Variants in SLC25A26 observed in about 807,000 individuals in gnomAD.
SLC25A26 encodes the protein solute carrier family 25 member 26.
SLC25A26 carries 36 observed loss-of-function variants against 37.8 expected under a neutral mutation model. That is an observed-to-expected ratio of 0.95 (90% confidence interval 0.73 to 1.26). The LOEUF is 1.26. SLC25A26 is among the 50% of genes most tolerant of loss of function. The pLI is 0.00. For missense variants in SLC25A26, 390 were observed against 331.1 expected, an observed-to-expected ratio of 1.18 and a Z score of -1.38; for synonymous variants, 129 against 122.5, an observed-to-expected ratio of 1.05 and a Z score of -0.35.
At chr3:66,324,178 G>GTA (rs1491469616) in intron 5 of SLC25A26, 2 of 2,894 alleles carry the variant, frequency 6.9e-4, no homozygotes, top group Non-Finnish European at 1.2e-3. Context: ...TTGTTAAAAA[G>GTA]TGTGTGTGTG....
intron 6 of SLC25A26, among the ~76,000 whole-genome samples, chr3:66,352,636 A>G (rs2107766452): frequency 6.6e-6 from 1 of 152,222 alleles, no homozygotes; most frequent in African/African-American, 2.4e-5. Flanking sequence ...TTTGAAATAT[A>G]TAAATAGTGT....
At chr3:66,335,994 A>G (rs1379405684) in intron 5 of SLC25A26, among the ~76,000 whole-genome samples, 2 of 152,116 alleles carry the variant, frequency 1.3e-5, no homozygotes, top group African/African-American at 4.8e-5. Context: ...TAACCACCCA[A>G]CAAGCTGCTT....
chr3:66,262,254 T>TTA, intron 4 of SLC25A26, 99 bp downstream of exon 4: 1 of 572,770 alleles, frequency 1.7e-6, no homozygotes, highest in South Asian at 3.4e-5. Context: ...AGAGAAAACT[T>TTA]TAGAGCTAAA....
At chr3:66,146,496 T>C (rs975166663) in intron 1 of SLC25A26, among the ~76,000 whole-genome samples, 2 of 152,182 alleles carry the variant, frequency 1.3e-5, no homozygotes, top group African/African-American at 4.8e-5. Flanking sequence ...TTCTGCTTTT[T>C]TTATATTTTC....
At chr3:66,239,815 T>C (rs1005975689) in intron 2 of SLC25A26, among the ~76,000 whole-genome samples, 31 of 132,280 alleles carry the variant, frequency 2.3e-4, no homozygotes, top group African/African-American at 8.1e-4. Flanking sequence ...TTCCTTTCTT[T>C]CTTTTTTTTT....
At chr3:66,303,792 A>C (rs1328452518) in intron 5 of SLC25A26, among the ~76,000 whole-genome samples, 1 of 152,208 alleles carries the variant, frequency 6.6e-6, no homozygotes, top group Admixed American at 6.5e-5. Flanking sequence ...ACTGTTTCAC[A>C]CAGTGACAGT....
Position 66,378,536 on chromosome 3 carries a change from A to AC in SLC25A26, c.*730dup. The AC allele has an allele frequency of 6.5e-6, 1 of 152,722 alleles. No individual in the cohort carries two copies. The highest frequency in any genetic ancestry group is 2.4e-5 in the African/African-American group (1 of 41,566). 9.5% of individuals were successfully genotyped at this position (152,722 alleles called of 1,614,324 possible). On this transcript the variant is annotated 3_prime_UTR_variant, in exon 10 of 10. Transcript: ENST00000354883. ...GCCATTCTCGCCATTCTCATGTCAGACTGAAAGGAGGGCCTGGGCCAGCTT... is the reference window on the plus strand; with the variant it reads ...GCCATTCTCGCCATTCTCATGTCAGACCTGAAAGGAGGGCCTGGGCCAGCTT...
At chr3:66,185,462 T>C (rs2070807502) in intron 1 of SLC25A26, among the ~76,000 whole-genome samples, 1 of 152,228 alleles carries the variant, frequency 6.6e-6, no homozygotes, top group African/African-American at 2.4e-5. Flanking sequence ...TCTGTATATA[T>C]ACCTAGAAGT....
chr3:66,286,972 T>G (rs1465372775), intron 5 of SLC25A26, among the ~76,000 whole-genome samples: 2 of 152,104 alleles, frequency 1.3e-5, no homozygotes, highest in Non-Finnish European at 2.9e-5. Flanking sequence ...CTGTTTGTTT[T>G]TTTTAATTGA....
chr3:66,348,245 G>A (rs2076372340), intron 6 of SLC25A26, among the ~76,000 whole-genome samples: 2 of 152,216 alleles, frequency 1.3e-5, no homozygotes, highest in Admixed American at 1.3e-4. Flanking sequence ...TGTGGGCCAT[G>A]ATATAAATTG....
chr3:66,334,504 C>T (rs1353884165), intron 5 of SLC25A26, among the ~76,000 whole-genome samples: 2 of 151,892 alleles, frequency 1.3e-5, no homozygotes, highest in Non-Finnish European at 2.9e-5. Flanking sequence ...TTAGTAGAGA[C>T]AAGATTTTGC....
chr3:66,268,238 A>T (rs2073831590), intron 5 of SLC25A26, among the ~76,000 whole-genome samples: 1 of 152,182 alleles, frequency 6.6e-6, no homozygotes, highest in African/African-American at 2.4e-5. Flanking sequence ...GTGTTATTTT[A>T]TACATGGTTG....
At position 66,342,902 on chromosome 3, in the gene SLC25A26, A is replaced by G. The variant is rs572903252; in HGVS notation, c.454-3462A>G. ...GTCTTAACAACCTTATTCAAACAAA[A>G]CATCTTAAATGGAGGCATTAAACAG... is the stretch of plus-strand genomic sequence containing the variant. On this transcript the variant is annotated intron_variant, in intron 5 of 9. Coordinates refer to ENST00000354883, the MANE Select transcript of SLC25A26 (RefSeq NM_001379210.1). Among the ~76,000 whole-genome samples, 10 of 152,308 alleles carry G rather than the reference A, an allele frequency of 6.6e-5. No individual in the cohort carries two copies. The South Asian group carries it at 2.1e-3, about 32-fold the overall frequency.
chr3:66,224,555 C>G (rs1053973298), intron 1 of SLC25A26, among the ~76,000 whole-genome samples: 2 of 152,186 alleles, frequency 1.3e-5, no homozygotes, highest in Non-Finnish European at 2.9e-5. Flanking sequence ...AGTTACAATT[C>G]AAGATGAGAT....
At chr3:66,322,506 T>C (rs1161786587) in intron 5 of SLC25A26, among the ~76,000 whole-genome samples, 1 of 152,244 alleles carries the variant, frequency 6.6e-6, no homozygotes, top group Non-Finnish European at 1.5e-5. Flanking sequence ...AGCTTAGGCT[T>C]CACAAAGCCT....
At chr3:66,154,775 C>A (rs1481801220) in intron 1 of SLC25A26, among the ~76,000 whole-genome samples, 1 of 152,152 alleles carries the variant, frequency 6.6e-6, no homozygotes, top group African/African-American at 2.4e-5. Flanking sequence ...AGCCACAGCG[C>A]CCGGCGGGCC....
chr3:66,327,778 G>T (rs1405321612), intron 5 of SLC25A26, among the ~76,000 whole-genome samples: 1 of 151,812 alleles, frequency 6.6e-6, no homozygotes, highest in Non-Finnish European at 1.5e-5. Flanking sequence ...AATTTTTTAT[G>T]TACTTCCTAA....
intron 4 of SLC25A26, 140 bp downstream of exon 4, chr3:66,262,295 A>G (rs746835633): frequency 1.5e-5 from 7 of 461,614 alleles, no homozygotes; most frequent in Non-Finnish European, 2.7e-5. Context: ...AATTTTTGCT[A>G]AGATTATCTT....
chr3:66,345,499 C>T (rs1301921538), intron 5 of SLC25A26, among the ~76,000 whole-genome samples: 2 of 149,920 alleles, frequency 1.3e-5, no homozygotes, highest in South Asian at 2.2e-4. Context: ...TCTCTGCCCC[C>T]CTACCCTCTA....
Sources: gnomAD v4.1 joint callset for allele counts (sites outside exome capture counted in the v4.1 genomes callset) on GRCh38, gnomAD v4.1.1 for gene constraint, MANE v1.5 for transcripts, NCBI Gene and HGNC (gene_info 2026-07-23, HGNC 2026-07-21) for gene names.